The following KCNQ3 variants were observed in gnomAD, a reference collection of about 807,000 sequenced individuals.
The protein encoded by KCNQ3 is potassium voltage-gated channel subfamily KQT member 3.
Under a neutral mutation model 92.5 loss-of-function variants are expected in KCNQ3, and 30 were observed. That is an observed-to-expected ratio of 0.32 (90% CI 0.24 to 0.44). The LOEUF (loss-of-function observed/expected upper bound fraction) is 0.44. Ranked by LOEUF, KCNQ3 falls within the 20% of genes least tolerant of loss-of-function variation. KCNQ3 has a pLI of 1.00. For synonymous variants in KCNQ3, 450 were observed against 468.8 expected (o/e 0.96, Z 0.52); for missense variants, 913 against 1,140.3 (o/e 0.80, Z 2.87).
In KCNQ3 at chr8:132,422,322, G is replaced by C. The variant is rs116195669; in HGVS notation, c.386+57825C>G. On this transcript the variant is annotated intron_variant, in intron 1 of 14. Coordinates refer to ENST00000388996, the MANE Select transcript of KCNQ3 (RefSeq NM_004519.4). ...CTTCACTTCCATGCCTAGAACTCAA[G>C]TCCAGCCACCACCACCACTCACTGC... is the stretch of plus-strand genomic sequence containing the variant. Among the ~76,000 whole-genome samples the C allele has an allele frequency of 9.4e-3, 1,430 of 152,134 alleles. 25 individuals are homozygous for C. Among genetic ancestry groups the C allele is most frequent in the African/African-American group, 0.033 (1,353 of 41,480 alleles).
At chr8:132,392,363 G>C (rs1820070432) in intron 1 of KCNQ3, among the ~76,000 whole-genome samples, 1 of 152,046 alleles carries the variant, frequency 6.6e-6, no homozygotes, top group Non-Finnish European at 1.5e-5. Flanking sequence ...AGTACTCTCT[G>C]ATTTCAAATA....
intron 1 of KCNQ3, among the ~76,000 whole-genome samples, chr8:132,257,637 C>T (rs1301864646): frequency 3.3e-5 from 5 of 150,116 alleles, no homozygotes; most frequent in Non-Finnish European, 7.4e-5. Flanking sequence ...GTCCCAGCTA[C>T]TCAGGAGGCT....
At chr8:132,197,476 T>C (rs1586821558) in intron 1 of KCNQ3, among the ~76,000 whole-genome samples, 1 of 152,158 alleles carries the variant, frequency 6.6e-6, no homozygotes, top group Non-Finnish European at 1.5e-5. Flanking sequence ...CATTCCTTTC[T>C]CCCTGCAGGC....
chr8:132,360,435 C>A (rs1221354920), intron 1 of KCNQ3, among the ~76,000 whole-genome samples: 1 of 152,182 alleles, frequency 6.6e-6, no homozygotes, highest in Non-Finnish European at 1.5e-5. Context: ...CTCATGGGGG[C>A]CGAGGCTTCA....
At position 132,271,987 on chromosome 8, in the gene KCNQ3, AG is replaced by A. The variant is rs78629288; in HGVS notation, c.387-85807del. Reference sequence around the variant, plus strand: ...AAGAAACTGACCTGACAGAGGGCTCAGTTCCTGGCCTGAATGGAAGCAGAAC... The same window carrying A: ...AAGAAACTGACCTGACAGAGGGCTCATTCCTGGCCTGAATGGAAGCAGAAC... On this transcript the variant is annotated intron_variant, in intron 1 of 14. Coordinates refer to ENST00000388996, the MANE Select transcript of KCNQ3 (RefSeq NM_004519.4). Among the ~76,000 whole-genome samples, 1,325 of 152,308 alleles carry A rather than the reference AG, an allele frequency of 8.7e-3. 8 individuals are homozygous for A. Among genetic ancestry groups the A allele is most frequent in the Non-Finnish European group, 0.014 (933 of 68,022 alleles).
At chr8:132,376,555 T>C (rs1301622820) in intron 1 of KCNQ3, among the ~76,000 whole-genome samples, 3 of 152,204 alleles carry the variant, frequency 2.0e-5, no homozygotes, top group Non-Finnish European at 4.4e-5. Context: ...AAAAGTGCCA[T>C]CCAGCCTCAA....
chr8:132,448,063 C>T (rs746046832), intron 1 of KCNQ3, among the ~76,000 whole-genome samples: 5 of 152,166 alleles, frequency 3.3e-5, no homozygotes, highest in Non-Finnish European at 5.9e-5. Flanking sequence ...CTGGAAAATG[C>T]AAATGCTCAA....
At position 132,180,182 on chromosome 8, in the gene KCNQ3, C is replaced by G; in HGVS notation, c.752G>C (p.Gly251Ala). Reference protein sequence around the residue: ...DRRGGTWKLLGSAICAHSKEL... With the variant: ...DRRGGTWKLLASAICAHSKEL... ...TTTGCTGTGGGCACAGATGGCTGAG[C>G]CCAGAAGCTTCCAGGTGCCACCTCT... Residue 251 changes from glycine (G) to alanine (A), a missense_variant, in exon 4 of 15, where the codon GGC (glycine) becomes GCC (alanine). This residue lies in a region of KCNQ3 where 100 missense variants were observed against 217.6 expected (regional missense o/e 0.46). Transcript: ENST00000388996. 6.2e-7 allele frequency: 1 copy of G among 1,614,138 alleles called. No homozygotes were observed. Among genetic ancestry groups the G allele is most frequent in the Non-Finnish European group, 8.5e-7 (1 of 1,180,024 alleles).
rs551400571 is a variant in KCNQ3, at chr8:132,455,157, C to T, written c.386+24990G>A. 1.0e-3 allele frequency among the ~76,000 whole-genome samples: 157 copies of T among 152,286 alleles called. 2 individuals carry two copies. The highest frequency in any genetic ancestry group is 6.8e-3 in the Middle Eastern group (2 of 292). On this transcript the variant is annotated intron_variant, in intron 1 of 14. Transcript: ENST00000388996. ...TTTAAGACAGAGTCTCACTCTGTTG[C>T]CCAGGCTGGAATACAGTGGCGTGAC...
At chr8:132,144,216 A>G (rs1010960909) in intron 9 of KCNQ3, among the ~76,000 whole-genome samples, 4 of 152,252 alleles carry the variant, frequency 2.6e-5, no homozygotes, top group Non-Finnish European at 5.9e-5. Flanking sequence ...AGGAATCCAG[A>G]TGCGTGGAAC....
Position 132,248,334 on chromosome 8 carries a change from GTATATATA to G in KCNQ3, c.387-62161_387-62154del, listed in dbSNP as rs5895135. 5.1e-3 allele frequency among the ~76,000 whole-genome samples: 735 copies of G among 144,178 alleles called. 7 individuals are homozygous for G. The highest frequency in any genetic ancestry group is 0.018 in the African/African-American group (711 of 39,422). 94.6% of individuals were successfully genotyped at this position (144,178 alleles called of 152,430 possible). A position where few individuals can be genotyped will look rare whatever the true frequency, so the allele number is the denominator to read the frequency against. ...TCCATGGACCTTTTTTAGTCTATAA[GTATATATA>G]TATATATATATATATGATGAGATAG... On this transcript the variant is annotated intron_variant, in intron 1 of 14. Transcript: ENST00000388996.
intron 1 of KCNQ3, among the ~76,000 whole-genome samples, chr8:132,225,708 A>C (rs1176776295): frequency 6.6e-6 from 1 of 152,178 alleles, no homozygotes; most frequent in East Asian, 1.9e-4. Flanking sequence ...AAATGCTATG[A>C]ATCAGGACTT....
chr8:132,471,534 G>C (rs962026176), intron 1 of KCNQ3, among the ~76,000 whole-genome samples: 8 of 152,154 alleles, frequency 5.3e-5, no homozygotes, highest in Non-Finnish European at 1.0e-4. Flanking sequence ...ACATGTCTAG[G>C]TGTTTTATAT....
chr8:132,339,300 C>T (rs937764549), intron 1 of KCNQ3, among the ~76,000 whole-genome samples: 9 of 152,206 alleles, frequency 5.9e-5, no homozygotes, highest in East Asian at 3.9e-4. Context: ...TTCATTAATC[C>T]GTTACTCATT....
chr8:132,153,657 G>T (rs552690835), intron 9 of KCNQ3, among the ~76,000 whole-genome samples: 1 of 152,138 alleles, frequency 6.6e-6, no homozygotes, highest in Non-Finnish European at 1.5e-5. Flanking sequence ...CATAAATGAG[G>T]TCTAGGTAAT....
At chr8:132,385,901 T>C (rs1455195004) in intron 1 of KCNQ3, among the ~76,000 whole-genome samples, 1 of 151,904 alleles carries the variant, frequency 6.6e-6, no homozygotes, top group Non-Finnish European at 1.5e-5. Flanking sequence ...TAAGTTAAAA[T>C]TTGTTTAAAT....
At chr8:132,260,467 A>T (rs76730950) in intron 1 of KCNQ3, among the ~76,000 whole-genome samples, 1 of 151,148 alleles carries the variant, frequency 6.6e-6, no homozygotes, top group East Asian at 1.9e-4. Flanking sequence ...ACAGGTAATT[A>T]AAAAAAATAA....
intron 1 of KCNQ3, among the ~76,000 whole-genome samples, chr8:132,358,800 G>C (rs183863561): frequency 2.8e-4 from 43 of 152,236 alleles, no homozygotes; most frequent in African/African-American, 1.0e-3. Context: ...GTACACTGTC[G>C]CTGAATAAGG....
chr8:132,270,950 C>T (rs542256022), intron 1 of KCNQ3, among the ~76,000 whole-genome samples: 100 of 152,294 alleles, frequency 6.6e-4, no homozygotes, highest in African/African-American at 2.3e-3. Flanking sequence ...TTGGGAAGTG[C>T]CAATCCAGTC....
Sources: gnomAD v4.1 joint callset for allele counts (sites outside exome capture counted in the v4.1 genomes callset) on GRCh38, gnomAD v4.1.1 for gene constraint, gnomAD v4.1.1 regional missense constraint, MANE v1.5 for transcripts, NCBI Gene and HGNC (gene_info 2026-07-23, HGNC 2026-07-21) for gene names.